FHIT: variants seen among roughly 807,000 people sequenced by gnomAD.
FHIT encodes the protein bis(5'-adenosyl)-triphosphatase.
In FHIT, 19 loss-of-function variants were observed where a neutral mutation model predicts 17.9. The observed-to-expected ratio is 1.06, with a 90% CI of 0.74 to 1.56. The LOEUF is 1.56. Among genes scored for constraint, FHIT ranks in the 40% most tolerant of loss-of-function variants. FHIT has a pLI of 0.00. For synonymous variants in FHIT, 81 were observed against 69.7 expected, an observed-to-expected ratio of 1.16 and a Z score of -0.81; for missense variants, 248 against 189.2, an observed-to-expected ratio of 1.31 and a Z score of -1.82.
chr3:59,843,900 G>C (rs1259103093), intron 8 of FHIT, among the ~76,000 whole-genome samples: 2 of 152,126 alleles, frequency 1.3e-5, no homozygotes, highest in Non-Finnish European at 2.9e-5. Context: ...ATGAGTCCTA[G>C]TGGGAGGTGA....
chr3:60,354,992 A>G (rs1255290659), intron 5 of FHIT, among the ~76,000 whole-genome samples: 2 of 152,160 alleles, frequency 1.3e-5, no homozygotes, highest in African/African-American at 4.8e-5. Context: ...TTATCTGTAA[A>G]CTAGAACTTT....
intron 5 of FHIT, among the ~76,000 whole-genome samples, chr3:60,480,071 A>T (rs770877123): frequency 1.3e-5 from 2 of 152,144 alleles, no homozygotes; most frequent in Non-Finnish European, 2.9e-5. Flanking sequence ...TCACAGTTCC[A>T]CATGGTTGGG....
intron 5 of FHIT, among the ~76,000 whole-genome samples, chr3:60,311,250 C>CATGTGTGTGTGTGT (rs530233517): frequency 0.012 from 1,765 of 150,928 alleles, 35 homozygotes; most frequent in African/African-American, 0.04. Flanking sequence ...TCTACCCCAA[C>CATGTGTGTGTGTGT]GTGTGTGTGT....
intron 5 of FHIT, among the ~76,000 whole-genome samples, chr3:60,403,013 C>T (rs1045776092): frequency 4.6e-5 from 7 of 152,146 alleles, no homozygotes; most frequent in African/African-American, 1.7e-4. Flanking sequence ...ACCAATAGTG[C>T]AAAACAAAGG....
intron 3 of FHIT, among the ~76,000 whole-genome samples, chr3:60,832,492 A>C (rs543807112): frequency 6.6e-6 from 1 of 152,280 alleles, no homozygotes; most frequent in Admixed American, 6.5e-5. Context: ...TGGGAGGATG[A>C]AATACATAGG....
intron 5 of FHIT, among the ~76,000 whole-genome samples, chr3:60,184,731 C>A (rs748258988): frequency 6.6e-6 from 1 of 152,194 alleles, no homozygotes; most frequent in Non-Finnish European, 1.5e-5. Flanking sequence ...TAGGCTCCAG[C>A]TCCTTGCAGT....
intron 4 of FHIT, among the ~76,000 whole-genome samples, chr3:60,620,954 T>TA: frequency 6.6e-6 from 1 of 152,034 alleles, no homozygotes; most frequent in Non-Finnish European, 1.5e-5. Flanking sequence ...CTAAAATTGT[T>TA]AAAAAAGAAA....
At chr3:61,249,586 C>A (rs557776978) in intron 1 of FHIT, among the ~76,000 whole-genome samples, 2 of 152,244 alleles carry the variant, frequency 1.3e-5, no homozygotes, top group South Asian at 4.1e-4. Flanking sequence ...CTTTTATTCA[C>A]CAGTGTTTTA....
At chr3:60,695,188 C>G (rs528996643) in intron 4 of FHIT, among the ~76,000 whole-genome samples, 2 of 152,076 alleles carry the variant, frequency 1.3e-5, no homozygotes, top group African/African-American at 2.4e-5. Context: ...TAAGGTCAGG[C>G]GTTGGAGACC....
rs371679388 is a variant in FHIT at position 59,940,098 on chromosome 3, C to T, written c.280-17684G>A. Among the ~76,000 whole-genome samples, 7 of 152,152 alleles carry T rather than the reference C, an allele frequency of 4.6e-5. No individual in the cohort carries two copies. In the South Asian group the frequency reaches 1.5e-3, roughly 32 times the overall value. On this transcript the variant is annotated intron_variant, in intron 7 of 9. Transcript: ENST00000492590. ...GTGGGACCTGAGATAGTCAACACCT[C>T]AGAGCTTCAGATTTCTTGTTTGTAA...
intron 5 of FHIT, among the ~76,000 whole-genome samples, chr3:60,309,482 A>C (rs532508567): frequency 6.6e-6 from 1 of 152,226 alleles, no homozygotes; most frequent in African/African-American, 2.4e-5. Context: ...GATGACGACA[A>C]AACTTTTTGT....
At chr3:60,850,050 T>G (rs1703088157) in intron 3 of FHIT, among the ~76,000 whole-genome samples, 1 of 152,066 alleles carries the variant, frequency 6.6e-6, no homozygotes, top group Admixed American at 6.6e-5. Context: ...CTTGTTTTTA[T>G]CTCAACACTT....
At chr3:60,174,578 C>T (rs1701581371) in intron 5 of FHIT, among the ~76,000 whole-genome samples, 1 of 150,598 alleles carries the variant, frequency 6.6e-6, no homozygotes, top group South Asian at 2.1e-4. Flanking sequence ...GCCAAAATCA[C>T]ATGGCTAATG....
At chr3:59,947,727 G>A (rs955843505) in intron 7 of FHIT, among the ~76,000 whole-genome samples, 19 of 152,114 alleles carry the variant, frequency 1.2e-4, no homozygotes, top group African/African-American at 4.6e-4. Flanking sequence ...GGGCATAGGT[G>A]TTCCCCATCT....
intron 4 of FHIT, among the ~76,000 whole-genome samples, chr3:60,708,708 T>C (rs1553704185): frequency 2.0e-5 from 3 of 152,130 alleles, no homozygotes; most frequent in Non-Finnish European, 2.9e-5. Context: ...TTTTAATCCA[T>C]CACTTTGCAA....
chr3:60,849,932 G>GAA (rs782524831), intron 3 of FHIT, among the ~76,000 whole-genome samples: 28 of 152,092 alleles, frequency 1.8e-4, no homozygotes, highest in Admixed American at 3.3e-4. Context: ...CTTCTAAGTT[G>GAA]AAAAAACTCT....
At chr3:60,288,294 G>C (rs1484085726) in intron 5 of FHIT, among the ~76,000 whole-genome samples, 1 of 152,178 alleles carries the variant, frequency 6.6e-6, no homozygotes, top group South Asian at 2.1e-4. Context: ...TATTCTACTG[G>C]TCAAAGAGAT....
chr3:60,274,002 T>G (rs1267729793), intron 5 of FHIT, among the ~76,000 whole-genome samples: 1 of 152,224 alleles, frequency 6.6e-6, no homozygotes, highest in Non-Finnish European at 1.5e-5. Flanking sequence ...AACACAACTA[T>G]GACAAATTAC....
In FHIT at chr3:60,417,605, A is replaced by T. The variant is rs976637964; in HGVS notation, c.103+119255T>A. Among the ~76,000 whole-genome samples the T allele has an allele frequency of 6.6e-5, 10 of 152,342 alleles. 1 individual carries two copies. The highest frequency in any genetic ancestry group is 4.6e-4 in the Admixed American group (7 of 15,306). ...CTGAACAGATTCCTACTGTGTTTTTATACTGAATGTCATCATTCTCAATGA... is the reference window on the plus strand; with the variant it reads ...CTGAACAGATTCCTACTGTGTTTTTTTACTGAATGTCATCATTCTCAATGA... On this transcript the variant is annotated intron_variant, in intron 5 of 9. Transcript: ENST00000492590.
Sources: allele counts gnomAD v4.1 joint callset (sites outside exome capture counted in the v4.1 genomes callset), GRCh38; gene constraint gnomAD v4.1.1; transcripts MANE v1.5; gene names NCBI Gene and HGNC (gene_info 2026-07-23, HGNC 2026-07-21).